Variants in SRRM4 observed in about 807,000 individuals in gnomAD.
SRRM4 encodes serine/arginine repetitive matrix 4.
In SRRM4, 33 loss-of-function variants were observed where a neutral mutation model predicts 68.9. That is an observed-to-expected ratio of 0.48 (90% CI 0.36 to 0.64). The LOEUF is 0.64. Ranked by LOEUF, SRRM4 falls within the 30% of genes least tolerant of loss-of-function variation. The probability of loss-of-function intolerance (pLI) is 0.00; values close to 1 mark genes in which losing one functional copy is unlikely to be tolerated. For synonymous variants in SRRM4, 318 were observed against 318.8 expected (o/e 1.00, Z 0.03); for missense variants, 817 against 827.1 (o/e 0.99, Z 0.15).
Position 119,110,279 on chromosome 12 carries a change from G to A in SRRM4, c.279-3999G>A, listed in dbSNP as rs141466798. On this transcript the variant is annotated intron_variant, in intron 2 of 12. Coordinates refer to ENST00000267260, the MANE Select transcript of SRRM4 (RefSeq NM_194286.4). ...GTTAGGCTAGTTGGGGGTCAGGGAC[G>A]CACTTGAGGAGGCAGTCTGTCCGTT... Among the ~76,000 whole-genome samples, 52 of 152,302 alleles carry A rather than the reference G, an allele frequency of 3.4e-4. 1 individual carries two copies. The East Asian group carries it at 8.5e-3, about 25-fold the overall frequency.
chr12:119,026,596 T>C (rs189986965), intron 1 of SRRM4, among the ~76,000 whole-genome samples: 28 of 152,152 alleles, frequency 1.8e-4, no homozygotes, highest in Admixed American at 1.2e-3. Context: ...TTGCCCCAGC[T>C]AGAGTGCAAT....
In SRRM4 at chr12:119,153,552, T is replaced by C. The variant is rs1185228051; in HGVS notation, c.1294T>C (p.Ser432Pro). 1.3e-6 allele frequency: 2 copies of C among 1,570,604 alleles called. No individual in the cohort carries two copies. The highest frequency in any genetic ancestry group is 2.4e-5 in the South Asian group (2 of 84,982). Residue 432 changes from serine (S) to proline (P), a missense_variant, in exon 11 of 13, where the codon TCT (serine) becomes CCT (proline). Transcript: ENST00000267260. ...TSSEKRSYSR[S>P]PSYSSKSGKR... ...CCTCTCCCCCAGGTCCTACTCCCGC[T>C]CTCCCAGCTATTCCTCCAAGTCTGG... is the stretch of plus-strand genomic sequence containing the variant.
At chr12:119,075,830 ATGG>A (rs1565902981) in intron 1 of SRRM4, among the ~76,000 whole-genome samples, 1 of 93,960 alleles carries the variant, frequency 1.1e-5, no homozygotes, top group African/African-American at 3.5e-5. Flanking sequence ...GATGATGGTG[ATGG>A]TGATGATGAT....
intron 1 of SRRM4, among the ~76,000 whole-genome samples, chr12:119,043,402 G>A (rs1216752560): frequency 1.3e-5 from 2 of 152,148 alleles, no homozygotes; most frequent in Non-Finnish European, 2.9e-5. Flanking sequence ...CTGTTGGGGA[G>A]GGGGAGGGAG....
chr12:119,055,081 C>A (rs1250603130), intron 1 of SRRM4, among the ~76,000 whole-genome samples: 2 of 152,102 alleles, frequency 1.3e-5, no homozygotes, highest in Non-Finnish European at 2.9e-5. Flanking sequence ...AGGGGCTTGT[C>A]CCTCAGAGAA....
At chr12:119,100,086 T>C (rs1954069146) in intron 1 of SRRM4, among the ~76,000 whole-genome samples, 1 of 152,120 alleles carries the variant, frequency 6.6e-6, no homozygotes, top group Admixed American at 6.6e-5. Flanking sequence ...ATCCTTCAAG[T>C]CTCCACTCCC....
At chr12:118,989,466 T>C (rs1019202926) in intron 1 of SRRM4, among the ~76,000 whole-genome samples, 2 of 152,134 alleles carry the variant, frequency 1.3e-5, no homozygotes, top group Non-Finnish European at 2.9e-5. Flanking sequence ...CCCCCTCCAC[T>C]GCACACTCTT....
At position 119,158,967 on chromosome 12, in the gene SRRM4, T is replaced by TTGTGTGTGTGTGTGTGTGTGTGTGTG. The variant is rs57550768; in HGVS notation, c.*2195_*2220dup. The TTGTGTGTGTGTGTGTGTGTGTGTGTG allele has an allele frequency of 8.7e-5, 12 of 137,212 alleles. No individual in the cohort carries two copies. Among genetic ancestry groups the TTGTGTGTGTGTGTGTGTGTGTGTGTG allele is most frequent in the Admixed American group, 6.5e-4 (9 of 13,832 alleles). The allele number at this position is 137,212 out of a possible 1,614,324, so 8.5% of individuals were successfully genotyped here. ...TGAATTATTTATTTATACAGAGGTT[T>TTGTGTGTGTGTGTGTGTGTGTGTGTG]TGTGTGTGTGTGTGTGTGTGTGTGT... On this transcript the variant is annotated 3_prime_UTR_variant, in exon 13 of 13. Transcript: ENST00000267260.
At chr12:119,098,475 T>C (rs985677136) in intron 1 of SRRM4, among the ~76,000 whole-genome samples, 3 of 152,188 alleles carry the variant, frequency 2.0e-5, no homozygotes, top group East Asian at 3.9e-4. Context: ...CTTTGGCCAA[T>C]TTTTTACCAC....
intron 1 of SRRM4, among the ~76,000 whole-genome samples, chr12:119,090,251 A>ACT (rs1316920105): frequency 6.6e-6 from 1 of 152,156 alleles, no homozygotes; most frequent in African/African-American, 2.4e-5. Flanking sequence ...AGTTTGATAG[A>ACT]GGAAAACATG....
chr12:119,153,804 T>C (rs553888138), intron 11 of SRRM4, among the ~76,000 whole-genome samples, 155 bp downstream of exon 11: 2 of 151,856 alleles, frequency 1.3e-5, no homozygotes, highest in South Asian at 4.2e-4. Flanking sequence ...CAATCAGGAG[T>C]GGCAGCGAGG....
chr12:119,132,552 G>A (rs1440851109), intron 8 of SRRM4, among the ~76,000 whole-genome samples: 1 of 152,200 alleles, frequency 6.6e-6, no homozygotes, highest in Non-Finnish European at 1.5e-5. Flanking sequence ...TTTCCAACAA[G>A]ATATGTCTGT....
At chr12:119,147,939 CTTGT>C (rs1256087838) in intron 9 of SRRM4, among the ~76,000 whole-genome samples, 2 of 152,212 alleles carry the variant, frequency 1.3e-5, no homozygotes, top group African/African-American at 4.8e-5. Context: ...TATTCCTCAA[CTTGT>C]TTATCAGGCA....
intron 8 of SRRM4, among the ~76,000 whole-genome samples, chr12:119,145,085 A>G (rs1325588280): frequency 6.6e-6 from 1 of 151,876 alleles, no homozygotes; most frequent in Non-Finnish European, 1.5e-5. Flanking sequence ...TTAATTCATT[A>G]GAAATTAAAT....
chr12:119,161,944 G>T lies in SRRM4; in HGVS notation c.*5146G>T, dbSNP rs1040007191. On this transcript the variant is annotated 3_prime_UTR_variant, in exon 13 of 13. Transcript: ENST00000267260. Reference sequence around the variant, plus strand: ...TTTTTTTCTGGCCAAGGAAAGCTATGCCTCATCTTCTAACGAGCCAAGCCA... The same window carrying T: ...TTTTTTTCTGGCCAAGGAAAGCTATTCCTCATCTTCTAACGAGCCAAGCCA... The T allele has an allele frequency of 2.0e-5, 3 of 151,078 alleles. No homozygotes were observed. The highest frequency in any genetic ancestry group is 7.3e-5 in the African/African-American group (3 of 41,022). 9.4% of individuals were successfully genotyped at this position (151,078 alleles called of 1,614,324 possible). A position where few individuals can be genotyped will look rare whatever the true frequency, so the allele number is the denominator to read the frequency against.
chr12:119,108,974 C>T (rs1954125633), intron 2 of SRRM4, among the ~76,000 whole-genome samples: 1 of 152,072 alleles, frequency 6.6e-6, no homozygotes, highest in East Asian at 1.9e-4. Context: ...TGTTCCTTTC[C>T]ATGTTTAGTG....
chr12:119,067,125 C>T lies in SRRM4; in HGVS notation c.132-35111C>T, dbSNP rs1053057515. Among the ~76,000 whole-genome samples the T allele has an allele frequency of 4.0e-5, 6 of 149,458 alleles. 1 individual carries two copies. Among genetic ancestry groups the T allele is most frequent in the Admixed American group, 2.7e-4 (4 of 14,700 alleles). ...GCTCCAGTCACTGCTTTTGCGTGTC[C>T]ACCCCAAATTATCCACTTTCCTTCA... On this transcript the variant is annotated intron_variant, in intron 1 of 12. Coordinates refer to ENST00000267260, the MANE Select transcript of SRRM4 (RefSeq NM_194286.4).
chr12:118,981,787 C>T lies in SRRM4; in HGVS notation c.-96C>T, dbSNP rs935739172. 1.5e-5 allele frequency: 22 copies of T among 1,443,092 alleles called. No homozygotes were observed. Among genetic ancestry groups the T allele is most frequent in the Admixed American group, 2.2e-5 (1 of 44,540 alleles). The allele number at this position is 1,443,092 out of a possible 1,614,324, so 89.4% of individuals were successfully genotyped here. On this transcript the variant is annotated 5_prime_UTR_variant, in exon 1 of 13. Coordinates refer to ENST00000267260, the MANE Select transcript of SRRM4 (RefSeq NM_194286.4). ...ACCCCACCCCTCTCTGGGTTTCACC[C>T]GGACAGAGCCGGGAGCTGGGTGTCG...
intron 8 of SRRM4, among the ~76,000 whole-genome samples, chr12:119,141,779 AGAC>A (rs1954366724): frequency 6.6e-6 from 1 of 152,226 alleles, no homozygotes; most frequent in Non-Finnish European, 1.5e-5. Context: ...CCAGTCAGAG[AGAC>A]GGCCAATAAA....
Sources: allele counts gnomAD v4.1 joint callset (sites outside exome capture counted in the v4.1 genomes callset), GRCh38; gene constraint gnomAD v4.1.1; transcripts MANE v1.5; gene names NCBI Gene and HGNC (gene_info 2026-07-23, HGNC 2026-07-21).